The following CNTNAP2 variants were observed in gnomAD, a reference collection of about 807,000 sequenced individuals.
CNTNAP2 encodes the protein contactin associated protein 2, also known as contactin-associated protein-like 2.
CNTNAP2 carries 98 observed loss-of-function variants against 155.2 expected under a neutral mutation model. That is an observed-to-expected ratio of 0.63 (90% CI 0.54 to 0.75). CNTNAP2 has a LOEUF of 0.75. Ranked by LOEUF, CNTNAP2 falls within the 30% of genes least tolerant of loss-of-function variation. CNTNAP2 has a pLI of 0.00. For synonymous variants in CNTNAP2, 651 were observed against 631.2 expected (o/e 1.03, Z -0.47); for missense variants, 1,727 against 1,688.1 (o/e 1.02, Z -0.40).
chr7:147,011,624 C>T lies in CNTNAP2; in HGVS notation c.403-32283C>T, dbSNP rs1339840945. ...CTCGGAAGCAAAGTTTATCTCTGGC[C>T]TCCTATTCCGAGCCACTCATTCTCC... On this transcript the variant is annotated intron_variant, in intron 3 of 23. Transcript: ENST00000361727. Among the ~76,000 whole-genome samples, 6 of 141,564 alleles carry T rather than the reference C, an allele frequency of 4.2e-5. No homozygotes were observed. In the East Asian group the frequency reaches 1.3e-3, roughly 30 times the overall value. 92.9% of individuals were successfully genotyped at this position (141,564 alleles called of 152,430 possible).
chr7:146,229,460 G>A (rs1799348811), intron 1 of CNTNAP2, among the ~76,000 whole-genome samples: 1 of 152,186 alleles, frequency 6.6e-6, no homozygotes, highest in African/African-American at 2.4e-5. Context: ...GTAGTGGTTT[G>A]AATAAGGACG....
rs147368975 is a variant in CNTNAP2 at position 146,557,571 on chromosome 7, G to T, written c.98-216700G>T. On this transcript the variant is annotated intron_variant, in intron 1 of 23. Coordinates refer to ENST00000361727, the MANE Select transcript of CNTNAP2 (RefSeq NM_014141.6). ...ATAAGAGGCCCAGTAAGTCATACAG[G>T]TTAGAATTCTCAGAAAGTTAAAAGC... 4.6e-3 allele frequency among the ~76,000 whole-genome samples: 707 copies of T among 152,138 alleles called. 14 individuals carry two copies. Among genetic ancestry groups the T allele is most frequent in the African/African-American group, 0.016 (660 of 41,436 alleles).
At chr7:146,925,670 C>T (rs1796594157) in intron 3 of CNTNAP2, among the ~76,000 whole-genome samples, 1 of 152,106 alleles carries the variant, frequency 6.6e-6, no homozygotes. Context: ...GAGCAAATAA[C>T]ATTAAAAGCA....
At chr7:147,270,157 T>C (rs1224807979) in intron 8 of CNTNAP2, among the ~76,000 whole-genome samples, 1 of 152,206 alleles carries the variant, frequency 6.6e-6, no homozygotes, top group Admixed American at 6.5e-5. Flanking sequence ...ATAGTTTCAA[T>C]GAAAGCAAAA....
chr7:146,276,998 A>G (rs896680383), intron 1 of CNTNAP2, among the ~76,000 whole-genome samples: 3 of 152,190 alleles, frequency 2.0e-5, no homozygotes, highest in African/African-American at 7.2e-5. Flanking sequence ...GAAAGATTTA[A>G]AGATGAGATC....
chr7:146,343,531 A>G (rs1003150358), intron 1 of CNTNAP2, among the ~76,000 whole-genome samples: 1 of 152,212 alleles, frequency 6.6e-6, no homozygotes, highest in Non-Finnish European at 1.5e-5. Flanking sequence ...CAAAATTTTA[A>G]AGAAATCACC....
At chr7:147,169,718 A>G (rs1802189119) in intron 8 of CNTNAP2, among the ~76,000 whole-genome samples, 2 of 152,186 alleles carry the variant, frequency 1.3e-5, no homozygotes, top group Non-Finnish European at 2.9e-5. Flanking sequence ...CAATCTGCCA[A>G]GACTGAACCA....
chr7:146,698,070 G>T (rs1231505750), intron 1 of CNTNAP2, among the ~76,000 whole-genome samples: 1 of 152,082 alleles, frequency 6.6e-6, no homozygotes, highest in Non-Finnish European at 1.5e-5. Context: ...GGCGTCACAG[G>T]TACATTAACG....
intron 8 of CNTNAP2, among the ~76,000 whole-genome samples, chr7:147,223,516 A>C (rs1803452574): frequency 6.6e-6 from 1 of 152,162 alleles, no homozygotes; most frequent in Non-Finnish European, 1.5e-5. Flanking sequence ...TTATACCCTG[A>C]GGCATTGTGA....
chr7:147,219,497 G>T (rs1563121085), intron 8 of CNTNAP2, among the ~76,000 whole-genome samples: 1 of 152,158 alleles, frequency 6.6e-6, no homozygotes, highest in African/African-American at 2.4e-5. Context: ...AAAGATGAAG[G>T]CCAGAAGACT....
At chr7:148,123,282 C>G (rs1017553695) in intron 16 of CNTNAP2, among the ~76,000 whole-genome samples, 8 of 152,132 alleles carry the variant, frequency 5.3e-5, no homozygotes, top group African/African-American at 1.9e-4. Flanking sequence ...AGACAACCAG[C>G]TCACACCTGT....
At chr7:146,748,143 C>CTTTTCTTTTTTTTT (rs60181692) in intron 1 of CNTNAP2, among the ~76,000 whole-genome samples, 4 of 98,004 alleles carry the variant, frequency 4.1e-5, no homozygotes, top group African/African-American at 8.3e-5. Context: ...CTTTTCTTTT[C>CTTTTCTTTTTTTTT]TTTTTTTTTT....
At chr7:147,003,187 T>C (rs1272853351) in intron 3 of CNTNAP2, among the ~76,000 whole-genome samples, 2 of 152,098 alleles carry the variant, frequency 1.3e-5, no homozygotes, top group East Asian at 3.9e-4. Context: ...GAAAGTCCTA[T>C]ATTGACAGCT....
intron 2 of CNTNAP2, among the ~76,000 whole-genome samples, chr7:146,821,699 C>T (rs541683603): frequency 6.6e-6 from 1 of 152,092 alleles, no homozygotes; most frequent in East Asian, 1.9e-4. Flanking sequence ...GACATTTAGG[C>T]AGCCAAAAAA....
At chr7:147,918,374 T>G (rs1800198454) in intron 14 of CNTNAP2, among the ~76,000 whole-genome samples, 1 of 152,244 alleles carries the variant, frequency 6.6e-6, no homozygotes, top group Admixed American at 6.5e-5. Flanking sequence ...CACTCATCTC[T>G]GCTTTAGGCT....
intron 13 of CNTNAP2, among the ~76,000 whole-genome samples, chr7:147,723,047 G>A (rs796858307): frequency 2.0e-5 from 3 of 152,070 alleles, no homozygotes; most frequent in African/African-American, 7.2e-5. Context: ...CCATTTTGCA[G>A]ATAAAGGAAA....
chr7:147,530,390 G>A (rs184114409), intron 11 of CNTNAP2, among the ~76,000 whole-genome samples: 120 of 152,192 alleles, frequency 7.9e-4, no homozygotes, highest in African/African-American at 2.7e-3. Context: ...GTGTTGGCCA[G>A]GCTGGTCTCG....
chr7:146,746,994 T>A (rs977347662), intron 1 of CNTNAP2, among the ~76,000 whole-genome samples: 1 of 152,140 alleles, frequency 6.6e-6, no homozygotes, highest in Non-Finnish European at 1.5e-5. Context: ...TCAAAGAGTA[T>A]AAAGCTCTTG....
At chr7:147,741,897 C>T (rs191651332) in intron 13 of CNTNAP2, among the ~76,000 whole-genome samples, 5 of 152,216 alleles carry the variant, frequency 3.3e-5, no homozygotes, top group East Asian at 3.9e-4. Flanking sequence ...CTGATAAAGA[C>T]GTACCAGAGA....
Sources: allele counts gnomAD v4.1 joint callset (sites outside exome capture counted in the v4.1 genomes callset), GRCh38; gene constraint gnomAD v4.1.1; transcripts MANE v1.5; gene names NCBI Gene and HGNC (gene_info 2026-07-23, HGNC 2026-07-21).